SRSF4: variants seen among roughly 807,000 people sequenced by gnomAD.
The protein encoded by SRSF4 is serine/arginine-rich splicing factor 4.
In SRSF4, 12 loss-of-function variants were observed where a neutral mutation model predicts 48.8. The ratio of observed to expected loss-of-function variants is 0.25; its 90% CI spans 0.16 to 0.40. The LOEUF (loss-of-function observed/expected upper bound fraction) is 0.40, where lower values mean the gene tolerates loss of function less well. Ranked by LOEUF, SRSF4 falls within the 10% of genes least tolerant of loss-of-function variation. The probability of loss-of-function intolerance (pLI) is 1.00; values close to 1 mark genes in which losing one functional copy is unlikely to be tolerated. For synonymous variants in SRSF4, 248 were observed against 232.5 expected (o/e 1.07, Z -0.61); for missense variants, 466 against 667.1 (o/e 0.70, Z 3.32).
chr1:29,158,212 T>C (rs1672531271), intron 3 of SRSF4, among the ~76,000 whole-genome samples: 1 of 151,014 alleles, frequency 6.6e-6, no homozygotes, highest in Admixed American at 6.6e-5. Flanking sequence ...ATGGCCAACA[T>C]TAGCACTGAA....
rs1672340908 is a variant in SRSF4 at position 29,148,465 on chromosome 1, C to G, written c.1430G>C (p.Arg477Thr). ...KTRSRSKSRS[R>T]SASRSPSRSR... is the part of the protein sequence containing the mutation. ...TCGGGAGGGCGATCTGGAAGCAGAC[C>G]TGGATCTAGACTTGGACCGAGATCG... The change falls in exon 6 of 6, where the codon AGG becomes ACG. Residue 477 changes from arginine to threonine, a missense_variant. Physicochemically the swap from Arg to Thr is moderately conservative, Grantham distance 71. Transcript: ENST00000373795. 6.2e-7 allele frequency: 1 copy of G among 1,613,280 alleles called. No homozygotes were observed. The highest frequency in any genetic ancestry group is 8.5e-7 in the Non-Finnish European group (1 of 1,179,566).
At chr1:29,160,191 AGT>A in intron 2 of SRSF4, 182 bp downstream of exon 2, 1 of 613,066 alleles carries the variant, frequency 1.6e-6, no homozygotes, top group Non-Finnish European at 2.6e-6. Context: ...AATTGTCATT[AGT>A]TTAATTAAAA....
At chr1:29,175,905 T>C (rs565101173) in intron 1 of SRSF4, among the ~76,000 whole-genome samples, 1 of 152,050 alleles carries the variant, frequency 6.6e-6, no homozygotes, top group Non-Finnish European at 1.5e-5. Flanking sequence ...TCTAATGCTT[T>C]GTACATGCCA....
intron 4 of SRSF4, among the ~76,000 whole-genome samples, chr1:29,154,037 C>T (rs1286486605): frequency 1.3e-5 from 2 of 151,856 alleles, no homozygotes; most frequent in Non-Finnish European, 2.9e-5. Context: ...GCTGGGACTA[C>T]AGGTACGTGC....
intron 4 of SRSF4, among the ~76,000 whole-genome samples, chr1:29,153,819 T>C (rs1272075950): frequency 6.6e-6 from 1 of 152,034 alleles, no homozygotes; most frequent in Admixed American, 6.5e-5. Flanking sequence ...GAGGCTGGTC[T>C]CGAACTCCTG....
chr1:29,176,190 T>A (rs1049577901), intron 1 of SRSF4, among the ~76,000 whole-genome samples: 4 of 151,996 alleles, frequency 2.6e-5, no homozygotes, highest in African/African-American at 9.7e-5. Context: ...AGGCGGAAGT[T>A]GCAGTGAGCT....
intron 4 of SRSF4, among the ~76,000 whole-genome samples, chr1:29,150,449 A>G (rs1340011862): frequency 6.6e-6 from 1 of 152,112 alleles, no homozygotes; most frequent in Non-Finnish European, 1.5e-5. Flanking sequence ...TTTTTAGTAG[A>G]GACGGGGTTT....
At chr1:29,179,190 C>T (rs139886473) in intron 1 of SRSF4, among the ~76,000 whole-genome samples, 24 of 152,182 alleles carry the variant, frequency 1.6e-4, no homozygotes, top group African/African-American at 4.8e-4. Flanking sequence ...ATCTAATAGT[C>T]GTTGTTTCTG....
chr1:29,149,334 T>C, intron 5 of SRSF4, 108 bp from the exon 6 acceptor site: 2 of 1,280,746 alleles, frequency 1.6e-6, no homozygotes, highest in South Asian at 1.5e-5. Flanking sequence ...ATATAAAGCA[T>C]GGCTGGCACT....
intron 2 of SRSF4, chr1:29,159,771 G>A: frequency 4.3e-6 from 1 of 229,976 alleles, no homozygotes; most frequent in Non-Finnish European, 8.5e-6. Flanking sequence ...TTAGAAATAA[G>A]TAACCAAATT....
intron 3 of SRSF4, among the ~76,000 whole-genome samples, chr1:29,158,892 C>T (rs559152625): frequency 6.6e-6 from 1 of 152,118 alleles, no homozygotes; most frequent in Admixed American, 6.5e-5. Flanking sequence ...GAGGCTGAGG[C>T]GGGTGGATCA....
chr1:29,180,664 C>A (rs1672941706), intron 1 of SRSF4, among the ~76,000 whole-genome samples: 1 of 152,154 alleles, frequency 6.6e-6, no homozygotes, highest in African/African-American at 2.4e-5. Flanking sequence ...AAATGTCACC[C>A]CAGTCCTTTT....
chr1:29,161,981 G>A lies in SRSF4; in HGVS notation c.108-1464C>T, dbSNP rs1672603959. 2.0e-5 allele frequency among the ~76,000 whole-genome samples: 3 copies of A among 152,332 alleles called. No homozygotes were observed. In the South Asian group the frequency reaches 6.2e-4, roughly 32 times the overall value. On this transcript the variant is annotated intron_variant, in intron 1 of 5. Coordinates refer to ENST00000373795, the MANE Select transcript of SRSF4 (RefSeq NM_005626.5). ...TGTGGAATTTTTCCTTTACTAAAGA[G>A]TTCCTTTCATACAACAGTCTCTCAA...
intron 1 of SRSF4, chr1:29,168,461 T>C (rs1216980491): frequency 6.6e-6 from 1 of 152,152 alleles, no homozygotes; most frequent in Non-Finnish European, 1.5e-5. Flanking sequence ...TAAAGGTTTT[T>C]GATATAATGG....
intron 1 of SRSF4, among the ~76,000 whole-genome samples, chr1:29,161,199 A>G (rs1672588975): frequency 6.6e-6 from 1 of 152,216 alleles, no homozygotes; most frequent in South Asian, 2.1e-4. Flanking sequence ...GTGGCTTAAC[A>G]TATAACCAAA....
Position 29,181,873 on chromosome 1 carries a change from C to A in SRSF4, c.-121G>T, listed in dbSNP as rs1266086158. ...GGGCGGGCGGCGGGACGGACGCAGC[C>A]GAACCCCGGCGACGTACGCGAGCAC... On this transcript the variant is annotated 5_prime_UTR_variant, in exon 1 of 6. Coordinates refer to ENST00000373795, the MANE Select transcript of SRSF4 (RefSeq NM_005626.5). 2.8e-6 allele frequency: 2 copies of A among 708,184 alleles called. No individual in the cohort carries two copies. Among genetic ancestry groups the A allele is most frequent in the African/African-American group, 3.8e-5 (2 of 52,714 alleles). 43.9% of individuals were successfully genotyped at this position (708,184 alleles called of 1,614,324 possible). A position where few individuals can be genotyped will look rare whatever the true frequency, so the allele number is the denominator to read the frequency against.
intron 4 of SRSF4, among the ~76,000 whole-genome samples, chr1:29,153,078 G>A (rs139290504): frequency 2.0e-4 from 30 of 152,190 alleles, no homozygotes; most frequent in African/African-American, 6.3e-4. Context: ...ACAATAGCAC[G>A]GTTTATTCAA....
At chr1:29,150,842 T>G (rs1441320581) in intron 4 of SRSF4, among the ~76,000 whole-genome samples, 1 of 152,204 alleles carries the variant, frequency 6.6e-6, no homozygotes, top group Admixed American at 6.5e-5. Flanking sequence ...CCCACGATCA[T>G]GCCTCCTGAT....
chr1:29,154,687 C>A lies in SRSF4; in HGVS notation c.578+9G>T. The A allele has an allele frequency of 6.2e-7, 1 of 1,613,920 alleles. No individual in the cohort carries two copies. Reference sequence around the variant, plus strand: ...ATGAGCTCCAACACACAAAAGACATCAACAGTACCTTGAATGACTCCGGCT... The same window carrying A: ...ATGAGCTCCAACACACAAAAGACATAAACAGTACCTTGAATGACTCCGGCT... On this transcript the variant is annotated intron_variant, in intron 4 of 5. Transcript: ENST00000373795.
Sources: gnomAD v4.1 joint callset for allele counts (sites outside exome capture counted in the v4.1 genomes callset) on GRCh38, gnomAD v4.1.1 for gene constraint, MANE v1.5 for transcripts, NCBI Gene and HGNC (gene_info 2026-07-23, HGNC 2026-07-21) for gene names.